TET3: variants seen among roughly 807,000 people sequenced by gnomAD.
TET3 encodes the protein methylcytosine dioxygenase TET3.
In TET3, 19 loss-of-function variants were observed where a neutral mutation model predicts 141.4. That is an observed-to-expected ratio of 0.13 (90% CI 0.09 to 0.20). The LOEUF is 0.20. Ranked by LOEUF, TET3 falls within the 10% of genes least tolerant of loss-of-function variation. TET3 has a pLI of 1.00. For missense variants in TET3, 1,874 were observed against 2,356.9 expected (o/e 0.80, Z 4.24); for synonymous variants, 1,043 against 980.9 (o/e 1.06, Z -1.18).
chr2:74,112,111 C>T (rs1452938521), downstream of TET3, among the ~76,000 whole-genome samples: 1 of 152,202 alleles, frequency 6.6e-6, no homozygotes, highest in Non-Finnish European at 1.5e-5. Flanking sequence ...TCAGATGATA[C>T]TATTTCCCTG....
chr2:74,100,043 C>T (rs1166692279), intron 11 of TET3, among the ~76,000 whole-genome samples: 1 of 152,180 alleles, frequency 6.6e-6, no homozygotes, highest in Non-Finnish European at 1.5e-5. Flanking sequence ...CTGCAGTGAT[C>T]CCGACTGGGC....
chr2:74,093,393 C>T lies in TET3; in HGVS notation c.3130-136C>T. 1 of 1,239,702 alleles carries T rather than the reference C, an allele frequency of 8.1e-7. No homozygotes were observed. Among genetic ancestry groups the T allele is most frequent in the Admixed American group, 3.0e-5 (1 of 33,006 alleles). 76.8% of individuals were successfully genotyped at this position (1,239,702 alleles called of 1,614,324 possible). On this transcript the variant is annotated intron_variant, in intron 9 of 11. Transcript: ENST00000409262. This position sits in a 1 kb window ranked among gnomAD's most constrained non-coding sequence, Gnocchi z 4.2. Reference sequence around the variant, plus strand: ...TAGCTGGGGCCTCTCAGCCAGAAAACCTCCCTCCTGCAGTCGAAGGGCAAG... The same window carrying T: ...TAGCTGGGGCCTCTCAGCCAGAAAATCTCCCTCCTGCAGTCGAAGGGCAAG...
At chr2:74,020,160 G>A (rs1384089227) in intron 3 of TET3, among the ~76,000 whole-genome samples, 7 of 152,158 alleles carry the variant, frequency 4.6e-5, no homozygotes, top group East Asian at 3.9e-4. Flanking sequence ...ATTCCTATCC[G>A]TGTGCTAATC....
chr2:74,089,845 C>T, intron 7 of TET3, 52 bp from the exon 8 acceptor site: 2 of 1,600,912 alleles, frequency 1.2e-6, no homozygotes, highest in Non-Finnish European at 1.7e-6. Context: ...AGGAATACTC[C>T]AGAACGAAGG....
chr2:74,005,523 C>T (rs182119451), intron 3 of TET3, among the ~76,000 whole-genome samples: 2 of 152,266 alleles, frequency 1.3e-5, no homozygotes, highest in Admixed American at 1.3e-4. Context: ...GCAGTTTTGC[C>T]AGAGGCCCTT....
chr2:74,032,486 T>TGGCCCCAGCGGCTGCAAGAGGG (rs1686794926), intron 3 of TET3, among the ~76,000 whole-genome samples: 1 of 89,870 alleles, frequency 1.1e-5, no homozygotes, highest in African/African-American at 5.5e-5. Flanking sequence ...TGTGTGTGTG[T>TGGCCCCAGCGGCTGCAAGAGGG]GTGTGTGTGT....
intron 10 of TET3, 28 bp from the exon 11 acceptor site, chr2:74,099,248 G>A (rs1691022717): frequency 1.3e-6 from 2 of 1,538,962 alleles, no homozygotes; most frequent in African/African-American, 2.7e-5. Context: ...CCAACCCCAT[G>A]TCCTCTCTCC....
At chr2:74,016,395 A>G (rs1298754227) in intron 3 of TET3, among the ~76,000 whole-genome samples, 1 of 152,176 alleles carries the variant, frequency 6.6e-6, no homozygotes, top group African/African-American at 2.4e-5. Flanking sequence ...AAAGAGTGAC[A>G]TGATTCTTAC....
chr2:74,133,079 T>A, the TET3 span, among the ~76,000 whole-genome samples: 5 of 149,454 alleles, frequency 3.3e-5, no homozygotes, highest in African/African-American at 1.2e-4. Flanking sequence ...TGTATTTTTT[T>A]TTTTTTTTTT....
At chr2:74,031,195 G>A (rs1686667078) in intron 3 of TET3, among the ~76,000 whole-genome samples, 1 of 152,048 alleles carries the variant, frequency 6.6e-6, no homozygotes, top group Non-Finnish European at 1.5e-5. Context: ...AGCAGTGAGG[G>A]CAGGAGAGTG....
At chr2:74,119,863 T>C in the TET3 span, among the ~76,000 whole-genome samples, 21 of 152,216 alleles carry the variant, frequency 1.4e-4, no homozygotes, top group African/African-American at 4.8e-4. Context: ...AGTGTAGTAG[T>C]TGTGGTAATA....
At chr2:74,036,730 G>T (rs1003374116) in intron 3 of TET3, among the ~76,000 whole-genome samples, 3 of 152,192 alleles carry the variant, frequency 2.0e-5, no homozygotes, top group African/African-American at 7.2e-5. Flanking sequence ...TCATAAGAGG[G>T]TTCCATCAGA....
At chr2:74,025,480 G>C (rs1449531889) in intron 3 of TET3, among the ~76,000 whole-genome samples, 1 of 151,678 alleles carries the variant, frequency 6.6e-6, no homozygotes, top group Non-Finnish European at 1.5e-5. Context: ...GTAGAGACGG[G>C]GTTTCACCTT....
chr2:74,105,289 A>G lies in TET3; in HGVS notation c.*3113A>G. On this transcript the variant is annotated 3_prime_UTR_variant, in exon 12 of 12. Coordinates refer to ENST00000409262, the MANE Select transcript of TET3 (RefSeq NM_001287491.2). ...CTGTCCACGGACACCATCCACGTGCAGTGCAAACATTTGGTTCCTTTTCTG... is the reference window on the plus strand; with the variant it reads ...CTGTCCACGGACACCATCCACGTGCGGTGCAAACATTTGGTTCCTTTTCTG... The G allele has an allele frequency of 2.5e-6, 1 of 398,652 alleles. No individual in the cohort carries two copies. 24.7% of individuals were successfully genotyped at this position (398,652 alleles called of 1,614,324 possible).
At chr2:74,112,200 A>C (rs757844022), downstream of TET3, among the ~76,000 whole-genome samples, 11 of 152,122 alleles carry the variant, frequency 7.2e-5, no homozygotes, top group Non-Finnish European at 1.6e-4. Flanking sequence ...GCCCCACAGG[A>C]CTTGGCCCCA....
chr2:74,013,055 C>T (rs1223543888), intron 3 of TET3, among the ~76,000 whole-genome samples: 4 of 149,800 alleles, frequency 2.7e-5, no homozygotes, highest in Non-Finnish European at 5.9e-5. Flanking sequence ...AGCGCAATGG[C>T]ATGATCTCGG....
intron 3 of TET3, among the ~76,000 whole-genome samples, chr2:74,036,337 C>T (rs1687056782): frequency 1.3e-5 from 2 of 152,174 alleles, no homozygotes; most frequent in Admixed American, 1.3e-4. Context: ...TTGTATTTTT[C>T]TGATTACTGA....
chr2:74,126,821 G>A, the TET3 span, among the ~76,000 whole-genome samples: 1 of 152,110 alleles, frequency 6.6e-6, no homozygotes, highest in African/African-American at 2.4e-5. Flanking sequence ...TTTTAAAGCA[G>A]TAAATGTAAA....
chr2:74,095,246 A>G (rs1240111920), intron 10 of TET3, among the ~76,000 whole-genome samples: 3 of 152,138 alleles, frequency 2.0e-5, no homozygotes, highest in Admixed American at 6.5e-5. Flanking sequence ...TGCATCCAAG[A>G]CTGAGAAGCA....
Sources: gnomAD v4.1 joint callset for allele counts (sites outside exome capture counted in the v4.1 genomes callset) on GRCh38, gnomAD v4.1.1 for gene constraint, Gnocchi (gnomAD v3.1) non-coding constraint, MANE v1.5 for transcripts, NCBI Gene and HGNC (gene_info 2026-07-23, HGNC 2026-07-21) for gene names.